Variants in RBFOX2 observed in about 807,000 individuals in gnomAD.
RBFOX2 encodes RNA binding protein fox-1 homolog 2.
RBFOX2 carries 10 observed loss-of-function variants against 49.1 expected under a neutral mutation model. The observed-to-expected ratio is 0.20, with a 90% confidence interval of 0.13 to 0.35. RBFOX2 has a LOEUF of 0.35. Among genes scored for constraint, RBFOX2 ranks in the 10% least tolerant of loss-of-function variants. RBFOX2 has a pLI of 1.00. For missense variants in RBFOX2, 323 were observed against 486.9 expected, an observed-to-expected ratio of 0.66 and a Z score of 3.17; for synonymous variants, 183 against 187.4, an observed-to-expected ratio of 0.98 and a Z score of 0.19.
chr22:35,841,839 A>C (rs1294013946), upstream of RBFOX2, among the ~76,000 whole-genome samples: 1 of 152,200 alleles, frequency 6.6e-6, no homozygotes, highest in Non-Finnish European at 1.5e-5. Context: ...CTGAGAATAC[A>C]TAGTTTTTTG....
rs2041535879 is a variant in RBFOX2, at chr22:35,848,841, T to C, written c.-33-38837A>G. ...AAAAATCATGATAGCTCAGAGGTCA[T>C]CTGGCCCAACTCCTTCATTTTATAT... On this transcript the variant is annotated intron_variant, in intron 1 of 13. Transcript: ENST00000359369. Among the ~76,000 whole-genome samples the C allele has an allele frequency of 2.6e-5, 4 of 152,172 alleles. No individual in the cohort carries two copies. In the South Asian group the frequency reaches 8.3e-4, roughly 32 times the overall value.
At chr22:35,912,665 T>G (rs2049963809) in intron 1 of RBFOX2, among the ~76,000 whole-genome samples, 1 of 152,222 alleles carries the variant, frequency 6.6e-6, no homozygotes. Context: ...CTTTTAATTT[T>G]TTTTCAGTTG....
chr22:35,868,802 A>G (rs936405459), intron 1 of RBFOX2, among the ~76,000 whole-genome samples: 1 of 152,214 alleles, frequency 6.6e-6, no homozygotes, highest in Non-Finnish European at 1.5e-5. Flanking sequence ...TCGAGACTCA[A>G]AATAAAGATT....
chr22:35,878,137 C>G (rs995706947), intron 1 of RBFOX2, among the ~76,000 whole-genome samples: 4 of 151,898 alleles, frequency 2.6e-5, no homozygotes, highest in African/African-American at 4.8e-5. Flanking sequence ...TGGCTCACTC[C>G]TCTAATCCCA....
chr22:35,814,710 C>CAA lies in RBFOX2; in HGVS notation c.28-4708_28-4707dup, dbSNP rs55971445. Among the ~76,000 whole-genome samples the CAA allele has an allele frequency of 4.6e-3, 142 of 30,976 alleles. 9 individuals are homozygous for CAA. The highest frequency in any genetic ancestry group is 0.013 in the African/African-American group (115 of 8,756). 20.3% of individuals were successfully genotyped at this position (30,976 alleles called of 152,430 possible). A position where few individuals can be genotyped will look rare whatever the true frequency, so the allele number is the denominator to read the frequency against. ...TGGGCGACAGAGTGGAACCCTGTCT[C>CAA]AAAAAAAAAAAAAAAAAAAAAAAAA... On this transcript the variant is annotated intron_variant, in intron 1 of 11. Transcript: ENST00000405409.
chr22:35,850,337 G>C (rs1472956366), intron 1 of RBFOX2, among the ~76,000 whole-genome samples: 1 of 152,044 alleles, frequency 6.6e-6, no homozygotes, highest in Non-Finnish European at 1.5e-5. Context: ...GATACACGCA[G>C]TAAGGGGATC....
intron 1 of RBFOX2, among the ~76,000 whole-genome samples, chr22:35,878,747 T>A (rs1371976686): frequency 6.6e-6 from 1 of 150,904 alleles, no homozygotes; most frequent in Non-Finnish European, 1.5e-5. Context: ...TGGCCTGTTT[T>A]TTTATTTTTT....
chr22:35,938,438 G>A (rs997298782), intron 1 of RBFOX2, among the ~76,000 whole-genome samples: 1 of 152,138 alleles, frequency 6.6e-6, no homozygotes, highest in African/African-American at 2.4e-5. Context: ...CCCCCAGGGA[G>A]GAGAATGGAA....
rs987179875 is a variant in RBFOX2 at position 35,759,237 on chromosome 22, C to A, written c.887+651G>T. ...AGACACCCTCCATAAAAAAATCAAACGGTGAAGGATGCTCAGCTACAGTCG... is the reference window on the plus strand; with the variant it reads ...AGACACCCTCCATAAAAAAATCAAAAGGTGAAGGATGCTCAGCTACAGTCG... On this transcript the variant is annotated intron_variant, in intron 9 of 11. Coordinates refer to ENST00000405409, the Ensembl canonical transcript of RBFOX2. The surrounding 1 kb of genome is among the most constrained non-coding windows in gnomAD (Gnocchi z 4.6). Among the ~76,000 whole-genome samples the A allele has an allele frequency of 2.6e-5, 4 of 152,188 alleles. No individual in the cohort carries two copies. Among genetic ancestry groups the A allele is most frequent in the Non-Finnish European group, 4.4e-5 (3 of 68,022 alleles).
At chr22:35,953,210 CAAAAAAAAAAAA>C (rs34387129) in intron 1 of RBFOX2, among the ~76,000 whole-genome samples, 2 of 22,418 alleles carry the variant, frequency 8.9e-5, no homozygotes, top group Non-Finnish European at 1.8e-4. Flanking sequence ...GACTCCATCT[CAAAAAAAAAAAA>C]AAAAAAAAAA....
chr22:35,798,133 G>A (rs955520820), intron 2 of RBFOX2, among the ~76,000 whole-genome samples: 9 of 151,932 alleles, frequency 5.9e-5, no homozygotes, highest in East Asian at 1.9e-4. Flanking sequence ...GCACCACCAC[G>A]CCTGGCTAAT....
chr22:35,881,482 T>C (rs534411515), intron 1 of RBFOX2, among the ~76,000 whole-genome samples: 6 of 149,764 alleles, frequency 4.0e-5, no homozygotes, highest in African/African-American at 1.5e-4. Context: ...CTCGAGGGGC[T>C]AAGGAAGGAG....
At chr22:35,986,253 G>T (rs1033007692) in intron 1 of RBFOX2, among the ~76,000 whole-genome samples, 4 of 152,138 alleles carry the variant, frequency 2.6e-5, no homozygotes, top group Admixed American at 2.0e-4. Flanking sequence ...GCTGAAGACT[G>T]GCAAGATGCC....
At chr22:35,957,982 T>C (rs554316340) in intron 1 of RBFOX2, among the ~76,000 whole-genome samples, 1 of 152,336 alleles carries the variant, frequency 6.6e-6, no homozygotes, top group East Asian at 1.9e-4. Context: ...TACCTCTTAA[T>C]TAGCCTCAGA....
intron 1 of RBFOX2, among the ~76,000 whole-genome samples, chr22:35,869,276 G>A (rs1349123394): frequency 6.6e-6 from 1 of 151,924 alleles, no homozygotes; most frequent in Non-Finnish European, 1.5e-5. Flanking sequence ...CTCTGCCTCA[G>A]CCTCCCTAGT....
intron 9 of RBFOX2, among the ~76,000 whole-genome samples, chr22:35,750,987 C>A (rs1934697673): frequency 6.6e-6 from 1 of 152,162 alleles, no homozygotes; most frequent in Non-Finnish European, 1.5e-5. Context: ...TCTCCTAGGG[C>A]TTTTCTACTC....
chr22:35,782,731 T>A (rs773403825), intron 2 of RBFOX2, among the ~76,000 whole-genome samples: 1 of 152,216 alleles, frequency 6.6e-6, no homozygotes, highest in African/African-American at 2.4e-5. Context: ...GCAAACTGCA[T>A]TGAGAGAATC....
chr22:35,815,180 G>C (rs1952789569), intron 1 of RBFOX2, among the ~76,000 whole-genome samples: 1 of 152,196 alleles, frequency 6.6e-6, no homozygotes, highest in South Asian at 2.1e-4. Flanking sequence ...ACAGAAGAAA[G>C]CATGAACCTA....
rs770778072 is a variant in RBFOX2, at chr22:35,746,495, C to T, written c.954G>A (p.Pro318=). ...TACCCGTCACTGTAAGCGGCTGCAG[C>T]GGCTGCAGCAGCGGTGGCTGCGGTT... Residue 318 remains proline (P), a synonymous_variant, in exon 10 of 12, where the codon CCG becomes CCA. Coordinates refer to ENST00000405409, the Ensembl canonical transcript of RBFOX2. 1.4e-5 allele frequency: 23 copies of T among 1,606,904 alleles called. No individual in the cohort carries two copies. The highest frequency in any genetic ancestry group is 6.8e-5 in the Admixed American group (4 of 59,028).
Sources: gnomAD v4.1 joint callset for allele counts (sites outside exome capture counted in the v4.1 genomes callset) on GRCh38, gnomAD v4.1.1 for gene constraint, Gnocchi (gnomAD v3.1) non-coding constraint, MANE v1.5 for transcripts, NCBI Gene and HGNC (gene_info 2026-07-23, HGNC 2026-07-21) for gene names.